MAML2: variants seen among roughly 807,000 people sequenced by gnomAD.
MAML2 encodes the protein mastermind-like protein 2.
MAML2 carries 22 observed loss-of-function variants against 96.1 expected under a neutral mutation model. The ratio of observed to expected loss-of-function variants is 0.23; its 90% CI spans 0.16 to 0.33. The LOEUF (loss-of-function observed/expected upper bound fraction) is 0.33. Ranked by LOEUF, MAML2 falls within the 10% of genes least tolerant of loss-of-function variation. The pLI is 1.00. For synonymous variants in MAML2, 561 were observed against 521.3 expected (o/e 1.08, Z -1.04); for missense variants, 1,367 against 1,392.4 (o/e 0.98, Z 0.29).
chr11:96,159,407 C>CTTTTTTTTTTTTTTTTTTTTTTTT lies in MAML2; in HGVS notation c.514-65891_514-65890insAAAAAAAAAAAAAAAAAAAAAAAA, dbSNP rs760811590. ...TAACCGTGCCTCTAAACCACTGATT[C>CTTTTTTTTTTTTTTTTTTTTTTTT]TTTTTTTTTTTTTTTTTTTTTTTGA... On this transcript the variant is annotated intron_variant, in intron 1 of 4. Coordinates refer to ENST00000524717, the MANE Select transcript of MAML2 (RefSeq NM_032427.4). Among the ~76,000 whole-genome samples, 4 of 91,150 alleles carry CTTTTTTTTTTTTTTTTTTTTTTTT rather than the reference C, an allele frequency of 4.4e-5. 1 individual carries two copies. The highest frequency in any genetic ancestry group is 1.3e-4 in the African/African-American group (3 of 22,704). The allele number at this position is 91,150 out of a possible 152,430, so 59.8% of individuals were successfully genotyped here.
intron 1 of MAML2, among the ~76,000 whole-genome samples, chr11:96,282,656 G>A (rs113234382): frequency 0.017 from 2,530 of 152,254 alleles, 26 homozygotes; most frequent in Non-Finnish European, 0.02. Flanking sequence ...ATTCAAATTA[G>A]ATAGAAAATT....
At chr11:96,077,932 G>A (rs188153808) in intron 2 of MAML2, among the ~76,000 whole-genome samples, 70 of 152,340 alleles carry the variant, frequency 4.6e-4, no homozygotes, top group Non-Finnish European at 7.9e-4. Context: ...AAATGTCCAT[G>A]CTATAAAGAA....
rs576621436 is a variant in MAML2, at chr11:96,146,815, G to A, written c.514-53298C>T. 2.0e-5 allele frequency among the ~76,000 whole-genome samples: 3 copies of A among 152,326 alleles called. No individual in the cohort carries two copies. In the South Asian group the frequency reaches 6.2e-4, roughly 32 times the overall value. ...AGAGAAGTAGTTTGATGTTGAAAATGCTGTTGGTTACTTATTTTTGTTGAG... is the reference window on the plus strand; with the variant it reads ...AGAGAAGTAGTTTGATGTTGAAAATACTGTTGGTTACTTATTTTTGTTGAG... On this transcript the variant is annotated intron_variant, in intron 1 of 4. Coordinates refer to ENST00000524717, the MANE Select transcript of MAML2 (RefSeq NM_032427.4).
chr11:96,187,792 C>CAAA (rs5793787), intron 1 of MAML2, among the ~76,000 whole-genome samples: 37 of 128,588 alleles, frequency 2.9e-4, no homozygotes, highest in Non-Finnish European at 3.7e-4. Context: ...AACTCTGTCT[C>CAAA]AAAAAAAAAA....
intron 3 of MAML2, among the ~76,000 whole-genome samples, chr11:95,986,634 T>C (rs896198994): frequency 1.9e-4 from 29 of 152,206 alleles, no homozygotes; most frequent in Admixed American, 1.4e-3. Flanking sequence ...TAAAGGTAGG[T>C]ATGATTATTT....
rs1309262341 is a variant in MAML2 at position 96,025,034 on chromosome 11, A to G, written c.2140-33311T>C. Among the ~76,000 whole-genome samples, 4 of 152,188 alleles carry G rather than the reference A, an allele frequency of 2.6e-5. No individual in the cohort carries two copies. The East Asian group carries it at 7.7e-4, about 29-fold the overall frequency. ...AAAACAAACTACCGTTCAACCCAGAAATCCCATTACTGTGTATATACCCAA... is the reference window on the plus strand; with the variant it reads ...AAAACAAACTACCGTTCAACCCAGAGATCCCATTACTGTGTATATACCCAA... On this transcript the variant is annotated intron_variant, in intron 2 of 4. Transcript: ENST00000524717.
intron 1 of MAML2, among the ~76,000 whole-genome samples, chr11:96,339,877 C>T (rs914752711): frequency 4.6e-5 from 7 of 152,214 alleles, no homozygotes; most frequent in Admixed American, 2.6e-4. Flanking sequence ...CAGGGAGAAG[C>T]GGGAATAGAG....
At chr11:96,323,020 C>T (rs1171981753) in intron 1 of MAML2, among the ~76,000 whole-genome samples, 2 of 151,540 alleles carry the variant, frequency 1.3e-5, no homozygotes, top group Admixed American at 1.3e-4. Context: ...TATATGCCAT[C>T]GCACAAAGTT....
chr11:96,106,061 C>A (rs975645732), intron 1 of MAML2, among the ~76,000 whole-genome samples: 1 of 152,132 alleles, frequency 6.6e-6, no homozygotes, highest in Non-Finnish European at 1.5e-5. Context: ...ATTTAAATGA[C>A]GTTAGGATGG....
intron 2 of MAML2, among the ~76,000 whole-genome samples, chr11:96,061,534 G>GAC (rs142513342): frequency 0.016 from 2,431 of 152,210 alleles, 66 homozygotes; most frequent in African/African-American, 0.055. Context: ...AAAATAGAGA[G>GAC]AAACCAGAAA....
At chr11:96,097,205 A>G (rs1335529543) in intron 1 of MAML2, among the ~76,000 whole-genome samples, 1 of 152,264 alleles carries the variant, frequency 6.6e-6, no homozygotes, top group African/African-American at 2.4e-5. Context: ...CAGAAGCAAC[A>G]GAGGAGGAAA....
intron 2 of MAML2, among the ~76,000 whole-genome samples, chr11:96,047,930 A>AAAAAAAAAAAAAAAAAG (rs1555001442): frequency 1.4e-3 from 176 of 127,374 alleles, no homozygotes; most frequent in Middle Eastern, 4.5e-3. Context: ...AAAAAAAAAA[A>AAAAAAAAAAAAAAAAAG]AAAAGAAAAA....
intron 2 of MAML2, among the ~76,000 whole-genome samples, chr11:96,090,091 T>A (rs1210667615): frequency 6.7e-6 from 1 of 149,802 alleles, no homozygotes; most frequent in African/African-American, 2.5e-5. Context: ...CGGTTATAAA[T>A]GCTAACTCAT....
At chr11:96,217,496 G>A (rs1344189258) in intron 1 of MAML2, among the ~76,000 whole-genome samples, 4 of 152,290 alleles carry the variant, frequency 2.6e-5, no homozygotes, top group South Asian at 2.1e-4. Flanking sequence ...ACTGTCCACC[G>A]ATAATTTATT....
intron 1 of MAML2, among the ~76,000 whole-genome samples, chr11:96,175,847 C>A (rs1231801417): frequency 1.3e-5 from 2 of 152,086 alleles, no homozygotes; most frequent in African/African-American, 4.8e-5. Context: ...AATGATCCAC[C>A]CACCTCTGCC....
At chr11:96,136,140 A>G (rs1380471273) in intron 1 of MAML2, among the ~76,000 whole-genome samples, 1 of 149,964 alleles carries the variant, frequency 6.7e-6, no homozygotes, top group African/African-American at 2.5e-5. Flanking sequence ...GTAGACATAA[A>G]TTATTTGAAG....
At chr11:96,078,763 G>A (rs1326883617) in intron 2 of MAML2, among the ~76,000 whole-genome samples, 1 of 152,188 alleles carries the variant, frequency 6.6e-6, no homozygotes, top group South Asian at 2.1e-4. Context: ...TGGTACTGTT[G>A]GTGCTTGCAC....
At chr11:96,219,780 G>A (rs759794228) in intron 1 of MAML2, among the ~76,000 whole-genome samples, 11 of 151,976 alleles carry the variant, frequency 7.2e-5, no homozygotes, top group African/African-American at 1.9e-4. Context: ...TACCTGCCAC[G>A]ATACCCAGCT....
At chr11:96,240,179 A>C (rs1302770154) in intron 1 of MAML2, among the ~76,000 whole-genome samples, 3 of 152,172 alleles carry the variant, frequency 2.0e-5, no homozygotes, top group African/African-American at 7.2e-5. Flanking sequence ...TCAAAAACTC[A>C]ATTAGCTGTT....
Sources: gnomAD v4.1 joint callset for allele counts (sites outside exome capture counted in the v4.1 genomes callset) on GRCh38, gnomAD v4.1.1 for gene constraint, MANE v1.5 for transcripts, NCBI Gene and HGNC (gene_info 2026-07-23, HGNC 2026-07-21) for gene names.